TTN: variants seen among roughly 807,000 people sequenced by gnomAD.
TTN encodes titin, also known as connectin.
A neutral mutation model predicts 3,223.0 loss-of-function variants in TTN; 1,525 were observed. The ratio of observed to expected loss-of-function variants is 0.47; its 90% CI spans 0.45 to 0.49. The LOEUF (loss-of-function observed/expected upper bound fraction) is 0.49, where lower values mean the gene tolerates loss of function less well. Ranked by LOEUF, TTN falls within the 20% of genes least tolerant of loss-of-function variation. The pLI, the probability that TTN is intolerant of heterozygous loss-of-function variation, is 0.00. For synonymous variants in TTN, 14,094 were observed against 15,161.0 expected, an observed-to-expected ratio of 0.93 and a Z score of 5.17; for missense variants, 40,786 against 43,424.0, an observed-to-expected ratio of 0.94 and a Z score of 5.40.
chr2:178,750,476 A>G lies in TTN; in HGVS notation c.11311+2648T>C, dbSNP rs527992710. 328 of 1,613,036 alleles carry G rather than the reference A, an allele frequency of 2.0e-4. 3 individuals are homozygous for G. In the South Asian group the frequency reaches 3.5e-3, roughly 17 times the overall value. On this transcript the variant is annotated intron_variant, in intron 47 of 362. Transcript: ENST00000589042. ...TGGCATGTCATTGTTATACCACGTC[A>G]CTATAGGTTGAGGATATCCTTGAAA...
chr2:178,566,298 T>C lies in TTN; in HGVS notation c.79834A>G (p.Ile26612Val). ...GGACGACCTTTGAATGGAATGTGAA[T>C]TCTGGCAGATCCACCAGCTCTTACA... is the stretch of plus-strand genomic sequence containing the variant. ...IVVRAGGSAR[I>V]HIPFKGRPTP... Residue 26612 changes from isoleucine (I) to valine (V), a missense_variant, in exon 326 of 363, where the codon ATT becomes GTT. By Grantham distance (29) the Ile-to-Val change is conservative. Coordinates refer to ENST00000589042, the MANE Select transcript of TTN (RefSeq NM_001267550.2). 6.2e-7 allele frequency: 1 copy of C among 1,613,706 alleles called. No individual in the cohort carries two copies. The highest frequency in any genetic ancestry group is 2.2e-5 in the East Asian group (1 of 44,854).
At chr2:178,781,314 T>C (rs371048590) in intron 20 of TTN, 51 bp from the exon 21 acceptor site, 23 of 1,604,234 alleles carry the variant, frequency 1.4e-5, no homozygotes, top group Non-Finnish European at 2.0e-5. Flanking sequence ...AACTCTTCTG[T>C]GGGTAAAATA....
In TTN at chr2:178,562,639, T is replaced by C. The variant is rs976226776; in HGVS notation, c.83493A>G (p.Gln27831=). ...CTCGGAAGTAGTAAGAACATCCTTC[T>C]TGTAGATTTTCAATTCTGAAAGTAG... is the stretch of plus-strand genomic sequence containing the variant. The part of the protein sequence containing the change: ...TKTTFRIENL[Q]EGCSYYFRVL... The change falls in exon 326 of 363, where the codon CAA becomes CAG. Residue 27831 remains glutamine (Q), a synonymous_variant. Coordinates refer to ENST00000589042, the MANE Select transcript of TTN (RefSeq NM_001267550.2). 13 of 1,603,076 alleles carry C rather than the reference T, an allele frequency of 8.1e-6. No homozygotes were observed. The highest frequency in any genetic ancestry group is 2.2e-5 in the East Asian group (1 of 44,756).
In TTN at chr2:178,664,876, T is replaced by C; in HGVS notation, c.36094A>G (p.Lys12032Glu). The stretch of plus-strand genomic sequence containing the variant: ...CCTTTAACTGATGGGGGTTCTCTTT[T>C]TTTGGAAGGAACTGTCTTGGCAGGA... ...IIPAKTVPSK[K>E]REPPSVKVPE... Residue 12032 changes from lysine to glutamate, a missense_variant, in exon 166 of 363, where the codon AAA becomes GAA. Lys to Glu is a moderately conservative substitution (Grantham distance 56, BLOSUM62 1). Transcript: ENST00000589042. 1.2e-6 allele frequency: 2 copies of C among 1,611,496 alleles called. No individual in the cohort carries two copies. The highest frequency in any genetic ancestry group is 1.7e-6 in the Non-Finnish European group (2 of 1,179,522).
At chr2:178,774,689 C>T in intron 29 of TTN, 5 of 684,640 alleles carry the variant, frequency 7.3e-6, no homozygotes, top group Admixed American at 6.5e-5. Flanking sequence ...AATTATGCTT[C>T]AATAAAAAAC....
intron 47 of TTN, chr2:178,745,499 G>A: frequency 1.3e-6 from 2 of 1,564,972 alleles, no homozygotes; most frequent in Non-Finnish European, 1.7e-6. Context: ...GACCTGTTTG[G>A]AAGTTTATTA....
At chr2:178,778,715 C>A in intron 24 of TTN, 159 bp downstream of exon 24, 1 of 1,004,272 alleles carries the variant, frequency 1.0e-6, no homozygotes. Context: ...TACACAGGGG[C>A]AAGAAATAAA....
At chr2:178,660,810 A>G (rs2064594485) in intron 180 of TTN, among the ~76,000 whole-genome samples, 1 of 150,596 alleles carries the variant, frequency 6.6e-6, no homozygotes, top group Non-Finnish European at 1.5e-5. Context: ...AGAATCTACA[A>G]TGAACTCAAA....
chr2:178,792,999 G>A (rs1268685729), intron 9 of TTN, among the ~76,000 whole-genome samples: 1 of 152,224 alleles, frequency 6.6e-6, no homozygotes, highest in Non-Finnish European at 1.5e-5. Context: ...TTCCGAAGGA[G>A]CCAGGAAGCA....
intron 223 of TTN, among the ~76,000 whole-genome samples, chr2:178,638,512 C>T (rs188210742): frequency 1.8e-4 from 27 of 150,016 alleles, no homozygotes; most frequent in African/African-American, 4.9e-4. Flanking sequence ...ATGTTATTCC[C>T]GGGGCCTATG....
chr2:178,592,790 C>T lies in TTN; in HGVS notation c.59329G>A (p.Val19777Ile), dbSNP rs1178263259. The change falls in exon 300 of 363, where the codon GTA (valine) becomes ATA (isoleucine). Residue 19777 changes from valine (V) to isoleucine (I), a missense_variant. Transcript: ENST00000589042. ...TTTTACTCACCAAGCCTGTCTTTTA[C>T]TAGGACTGGCTCCGGAACATGAGCT... ...DPAHVPEPVL[V>I]KDRLEPPELI... 3 of 1,613,444 alleles carry T rather than the reference C, an allele frequency of 1.9e-6. No individual in the cohort carries two copies. Among genetic ancestry groups the T allele is most frequent in the Non-Finnish European group, 2.5e-6 (3 of 1,179,610 alleles).
At chr2:178,796,105 G>T (rs1397779368) in intron 6 of TTN, among the ~76,000 whole-genome samples, 3 of 152,208 alleles carry the variant, frequency 2.0e-5, no homozygotes, top group African/African-American at 7.2e-5. Flanking sequence ...AGTAGCATCA[G>T]TTGAAGAATT....
Position 178,533,070 on chromosome 2 carries a change from G to A in TTN, c.103545C>T (p.Ser34515=). The A allele has an allele frequency of 6.2e-7, 1 of 1,613,832 alleles. No individual in the cohort carries two copies. The highest frequency in any genetic ancestry group is 8.5e-7 in the Non-Finnish European group (1 of 1,179,852). Residue 34515 remains serine, a synonymous_variant, in exon 358 of 363, where the codon AGC becomes AGT. Transcript: ENST00000589042. ...TGAATTCCCCTTTTACAGTCTTGGTGCTTACAGCCGGTTTATAAAGGACAG... is the reference window on the plus strand; with the variant it reads ...TGAATTCCCCTTTTACAGTCTTGGTACTTACAGCCGGTTTATAAAGGACAG... The part of the protein sequence containing the change: ...EAAVLYKPAV[S]TKTVKGEFRL...
In TTN at chr2:178,539,664, C is replaced by G. The variant is rs1351373936; in HGVS notation, c.98401G>C (p.Gly32801Arg). 2 of 1,613,696 alleles carry G rather than the reference C, an allele frequency of 1.2e-6. No individual in the cohort carries two copies. Among genetic ancestry groups the G allele is most frequent in the South Asian group, 2.2e-5 (2 of 91,086 alleles). The change falls in exon 352 of 363, where the codon GGG becomes CGG. Residue 32801 changes from glycine to arginine, a missense_variant. By Grantham distance (125) the Gly-to-Arg change is moderately radical. Transcript: ENST00000589042. Reference sequence around the variant, plus strand: ...TGGATGTCATCATATTCCAGTGGCCCTTCTGGACTGTTGGGACTTCCTATC... The same window carrying G: ...TGGATGTCATCATATTCCAGTGGCCGTTCTGGACTGTTGGGACTTCCTATC... ...RVIGSPNSPE[G>R]PLEYDDIQVR...
intron 295 of TTN, among the ~76,000 whole-genome samples, chr2:178,594,904 T>C (rs1168612894): frequency 6.6e-6 from 1 of 152,014 alleles, no homozygotes; most frequent in Non-Finnish European, 1.5e-5. Flanking sequence ...GAATTGGTAG[T>C]TTTAGAAGTA....
chr2:178,719,833 C>A lies in TTN; in HGVS notation c.23660-1G>T. The A allele has an allele frequency of 1.3e-6, 2 of 1,599,462 alleles. No homozygotes were observed. Among genetic ancestry groups the A allele is most frequent in the South Asian group, 2.2e-5 (2 of 89,008 alleles). On this transcript the variant is annotated splice_acceptor_variant, in intron 81 of 362. Transcript: ENST00000589042. LOFTEE classifies it high-confidence loss of function. ...GGCTTCTCTATGATTCTTGCTGGTT[C>A]TAAAAGAAGAAGTATTTTGCATTGA... is the stretch of plus-strand genomic sequence containing the variant.
chr2:178,723,772 G>A, intron 73 of TTN, 76 bp from the exon 74 acceptor site: 3 of 1,532,838 alleles, frequency 2.0e-6, no homozygotes, highest in Non-Finnish European at 1.7e-6. Context: ...AAACATTAGA[G>A]CACTTTCAAA....
In TTN at chr2:178,608,445, C is replaced by G. The variant is rs2055452595; in HGVS notation, c.52438G>C (p.Glu17480Gln). The G allele has an allele frequency of 7.5e-6, 12 of 1,605,722 alleles. No homozygotes were observed. Among genetic ancestry groups the G allele is most frequent in the Non-Finnish European group, 1.0e-5 (12 of 1,175,556 alleles). The change falls in exon 275 of 363, where the codon GAA (glutamate) becomes CAA (glutamine). Residue 17480 changes from glutamate to glutamine, a missense_variant. Glu to Gln is a conservative substitution (Grantham distance 29). Coordinates refer to ENST00000589042, the MANE Select transcript of TTN (RefSeq NM_001267550.2). ...AGCATACTGTTGCTGGTAACATCTT[C>G]CACAATGGGCTTATCTGGTGCATCA... ...PPDAPDKPIVEDVTSNSMLVK... is the reference protein window; with the variant it reads ...PPDAPDKPIVQDVTSNSMLVK...
chr2:178,784,066 C>T lies in TTN; in HGVS notation c.2775+4G>A, dbSNP rs548681281. 3.9e-4 allele frequency: 627 copies of T among 1,612,600 alleles called. No individual in the cohort carries two copies. The highest frequency in any genetic ancestry group is 8.5e-6 in the Non-Finnish European group (10 of 1,179,896). On this transcript the variant is annotated splice_donor_region_variant and intron_variant, in intron 16 of 362. Coordinates refer to ENST00000589042, the MANE Select transcript of TTN (RefSeq NM_001267550.2). ...CATGTAACAGCGGGTAACCAGTGAC[C>T]AACCTTGGCTTCGCGTCCGTGCAGT...
Sources: gnomAD v4.1 joint callset for allele counts (sites outside exome capture counted in the v4.1 genomes callset) on GRCh38, gnomAD v4.1.1 for gene constraint, MANE v1.5 for transcripts, NCBI Gene and HGNC (gene_info 2026-07-23, HGNC 2026-07-21) for gene names.